Variants in ZNF33A observed in about 807,000 individuals in gnomAD.
ZNF33A encodes the protein brain my041 protein.
ZNF33A carries 9 observed loss-of-function variants against 15.9 expected under a neutral mutation model. That is an observed-to-expected ratio of 0.57 (90% CI 0.34 to 0.99). The LOEUF (loss-of-function observed/expected upper bound fraction) is 0.99. Among genes scored for constraint, ZNF33A ranks in the 50% least tolerant of loss-of-function variants. The pLI is 0.02. For synonymous variants in ZNF33A, 294 were observed against 324.2 expected, an observed-to-expected ratio of 0.91 and a Z score of 1.00; for missense variants, 843 against 941.6, an observed-to-expected ratio of 0.90 and a Z score of 1.37.
chr10:38,033,470 C>T (rs1480708833), intron 4 of ZNF33A, among the ~76,000 whole-genome samples: 1 of 152,014 alleles, frequency 6.6e-6, no homozygotes, highest in Admixed American at 6.6e-5. Flanking sequence ...CAGATATATA[C>T]CTAGAAGTAG....
intron 4 of ZNF33A, among the ~76,000 whole-genome samples, chr10:38,020,074 A>G (rs1289688955): frequency 6.6e-6 from 1 of 152,196 alleles, no homozygotes; most frequent in East Asian, 1.9e-4. Flanking sequence ...AACACTATAA[A>G]TAAACCAAGA....
In ZNF33A at chr10:38,056,623, A is replaced by C. The variant is rs2066499288; in HGVS notation, c.*63A>C. 6.7e-7 allele frequency: 1 copy of C among 1,497,992 alleles called. No individual in the cohort carries two copies. Among genetic ancestry groups the C allele is most frequent in the African/African-American group, 1.4e-5 (1 of 71,536 alleles). 92.8% of individuals were successfully genotyped at this position (1,497,992 alleles called of 1,614,324 possible). On this transcript the variant is annotated 3_prime_UTR_variant, in exon 5 of 5. Coordinates refer to ENST00000432900, the MANE Select transcript of ZNF33A (RefSeq NM_006954.2). ...AGTAGGGGATAAACCCATAGACTAC[A>C]ACAATTATAGGACAGCTTTTGTTAG...
intron 4 of ZNF33A, among the ~76,000 whole-genome samples, chr10:38,026,143 T>C (rs751588324): frequency 2.0e-5 from 3 of 152,246 alleles, no homozygotes; most frequent in African/African-American, 7.2e-5. Flanking sequence ...TCTGTTGATA[T>C]ACACTTGGGT....
chr10:38,017,208 G>C, intron 3 of ZNF33A, 83 bp from the exon 4 acceptor site: 1 of 1,437,032 alleles, frequency 7.0e-7, no homozygotes, highest in Non-Finnish European at 9.6e-7. Flanking sequence ...GCAACTCGAA[G>C]CAGCCCCAGA....
chr10:38,057,860 G>A lies in ZNF33A; in HGVS notation c.*1300G>A. 1.0e-6 allele frequency: 1 copy of A among 985,436 alleles called. No homozygotes were observed. Among genetic ancestry groups the A allele is most frequent in the Non-Finnish European group, 1.2e-6 (1 of 829,950 alleles). 61.0% of individuals were successfully genotyped at this position (985,436 alleles called of 1,614,324 possible). ...ATACAGCCCAGGGCTGCCCAGGGCT[G>A]TTGGACTGTCATTTCAAGGCTCATT... On this transcript the variant is annotated 3_prime_UTR_variant, in exon 5 of 5. Coordinates refer to ENST00000432900, the MANE Select transcript of ZNF33A (RefSeq NM_006954.2).
chr10:38,044,704 G>T (rs1436307025), intron 4 of ZNF33A, among the ~76,000 whole-genome samples: 1 of 151,738 alleles, frequency 6.6e-6, no homozygotes, highest in Non-Finnish European at 1.5e-5. Context: ...GTCTCGCTCT[G>T]TCACCCAGGC....
upstream of ZNF33A, chr10:38,010,649 A>C: frequency 1.3e-6 from 2 of 1,515,336 alleles, no homozygotes; most frequent in South Asian, 1.1e-5. Flanking sequence ...GGCTCTGCGC[A>C]TGCCTCGTCC....
intron 4 of ZNF33A, among the ~76,000 whole-genome samples, chr10:38,033,544 G>A (rs906214895): frequency 1.4e-4 from 21 of 152,068 alleles, no homozygotes; most frequent in Admixed American, 8.5e-4. Flanking sequence ...GTTGCTCATA[G>A]CAGCCACAAT....
At chr10:38,065,264 G>T (rs1387875071), downstream of ZNF33A, among the ~76,000 whole-genome samples, 1 of 151,904 alleles carries the variant, frequency 6.6e-6, no homozygotes, top group Non-Finnish European at 1.5e-5. Context: ...TAGAGACGGG[G>T]TTTCACCATG....
chr10:38,030,385 T>G (rs2065162700), intron 4 of ZNF33A, among the ~76,000 whole-genome samples: 1 of 152,166 alleles, frequency 6.6e-6, no homozygotes, highest in Admixed American at 6.5e-5. Flanking sequence ...TACCATGAAG[T>G]GTTACCCAGC....
rs760007628 is a variant in ZNF33A at position 38,056,226 on chromosome 10, T to G, written c.2102T>G (p.Phe701Cys). Residue 701 changes from phenylalanine to cysteine, a missense_variant, in exon 5 of 5, where the codon TTC (phenylalanine) becomes TGC (cysteine). By Grantham distance (205) the Phe-to-Cys change is radical (BLOSUM62 -2). Transcript: ENST00000432900. ...TATGAATGCAATGAATGTGGGAAAT[T>G]CTTCAGGCACAAATCATCACTCACA... ...KPYECNECGK[F>C]FRHKSSLTVH... 6.8e-6 allele frequency: 11 copies of G among 1,614,096 alleles called. No individual in the cohort carries two copies. Among genetic ancestry groups the G allele is most frequent in the South Asian group, 4.4e-5 (4 of 91,084 alleles).
At chr10:38,031,743 T>A (rs1033657427) in intron 4 of ZNF33A, among the ~76,000 whole-genome samples, 2 of 151,508 alleles carry the variant, frequency 1.3e-5, no homozygotes, top group African/African-American at 4.9e-5. Flanking sequence ...GGCGGGCAGA[T>A]CATGAGGTCA....
intron 4 of ZNF33A, among the ~76,000 whole-genome samples, chr10:38,019,253 G>A (rs758331666): frequency 2.6e-5 from 4 of 151,202 alleles, no homozygotes; most frequent in Non-Finnish European, 4.4e-5. Context: ...TTTTGGCTTT[G>A]CGATAGTTTG....
intron 4 of ZNF33A, among the ~76,000 whole-genome samples, chr10:38,042,526 ATTTGT>A (rs2065754602): frequency 2.6e-5 from 2 of 78,262 alleles, no homozygotes; most frequent in Non-Finnish European, 5.6e-5. Context: ...TTGCTTTGTT[ATTTGT>A]TTCCTTGTTT....
intron 4 of ZNF33A, 72 bp downstream of exon 4, chr10:38,017,458 G>T (rs1384327281): frequency 1.6e-6 from 2 of 1,246,690 alleles, no homozygotes; most frequent in Non-Finnish European, 2.3e-6. Context: ...TCAGGGTTTG[G>T]CAACTTTGGA....
chr10:38,010,509 C>G (rs575520931), upstream of ZNF33A: 16 of 639,390 alleles, frequency 2.5e-5, no homozygotes, highest in African/African-American at 2.7e-4. Flanking sequence ...GCAGTTCCAG[C>G]ACCAACTCAG....
intron 4 of ZNF33A, among the ~76,000 whole-genome samples, chr10:38,046,304 G>C (rs557770327): frequency 2.3e-4 from 35 of 152,254 alleles, no homozygotes; most frequent in African/African-American, 7.9e-4. Flanking sequence ...CTTTTGAAAA[G>C]AATCAAAGGG....
chr10:38,051,217 A>T (rs1590684178), intron 4 of ZNF33A, among the ~76,000 whole-genome samples: 1 of 152,236 alleles, frequency 6.6e-6, no homozygotes, highest in South Asian at 2.1e-4. Context: ...ATAAATTTAC[A>T]TGTAAAATTG....
intron 4 of ZNF33A, among the ~76,000 whole-genome samples, chr10:38,037,717 A>G (rs1564855613): frequency 6.6e-6 from 1 of 152,172 alleles, no homozygotes; most frequent in Non-Finnish European, 1.5e-5. Flanking sequence ...TGAACTCTCA[A>G]TTTTATTTCA....
Sources: gnomAD v4.1 joint callset for allele counts (sites outside exome capture counted in the v4.1 genomes callset) on GRCh38, gnomAD v4.1.1 for gene constraint, MANE v1.5 for transcripts, NCBI Gene and HGNC (gene_info 2026-07-23, HGNC 2026-07-21) for gene names.